SELENOT: variants seen among roughly 807,000 people sequenced by gnomAD.
SELENOT encodes the protein selenoprotein T, also known as thioredoxin reductase-like selenoprotein T.
In SELENOT, 9 loss-of-function variants were observed where a neutral mutation model predicts 24.3. That is an observed-to-expected ratio of 0.37 (90% CI 0.22 to 0.65). SELENOT has a LOEUF of 0.65. Among genes scored for constraint, SELENOT ranks in the 30% least tolerant of loss-of-function variants. SELENOT has a pLI of 0.60. For missense variants in SELENOT, 166 were observed against 247.6 expected (o/e 0.67, Z 2.21); for synonymous variants, 81 against 86.0 (o/e 0.94, Z 0.32).
At chr3:150,619,281 C>T (rs1294171686) in intron 1 of SELENOT, among the ~76,000 whole-genome samples, 1 of 151,374 alleles carries the variant, frequency 6.6e-6, no homozygotes, top group African/African-American at 2.4e-5. Flanking sequence ...CCTGTAATCC[C>T]AGCACTTTGG....
At chr3:150,618,290 C>T (rs906713050) in intron 1 of SELENOT, among the ~76,000 whole-genome samples, 6 of 152,148 alleles carry the variant, frequency 3.9e-5, no homozygotes, top group South Asian at 2.1e-4. Context: ...CAATGCTATG[C>T]GTGGATGGCT....
intron 5 of SELENOT, 80 bp downstream of exon 5, chr3:150,627,243 T>G: frequency 9.3e-7 from 1 of 1,079,382 alleles, no homozygotes; most frequent in Non-Finnish European, 1.3e-6. Flanking sequence ...ATTACATATA[T>G]TATCACTTGA....
chr3:150,611,149 GAAAAT>G (rs1726081114), intron 1 of SELENOT: 1 of 638,848 alleles, frequency 1.6e-6, no homozygotes, highest in Non-Finnish European at 2.7e-6. Context: ...CAGAAACAAA[GAAAAT>G]AAAATCAGAA....
intron 1 of SELENOT, among the ~76,000 whole-genome samples, chr3:150,605,060 CTGTACAATGTACTA>C (rs951672234): frequency 2.6e-5 from 4 of 151,384 alleles, no homozygotes; most frequent in African/African-American, 9.7e-5. Flanking sequence ...AAAAACCTCC[CTGTACAATGTACTA>C]TGTTTCTGGA....
At chr3:150,612,187 G>A (rs1726111704) in intron 1 of SELENOT, among the ~76,000 whole-genome samples, 1 of 151,844 alleles carries the variant, frequency 6.6e-6, no homozygotes, top group Non-Finnish European at 1.5e-5. Context: ...TCCGCCTCCC[G>A]GCTCAAGCTA....
chr3:150,617,605 C>A lies in SELENOT; in HGVS notation c.138-4780C>A, dbSNP rs139007711. On this transcript the variant is annotated intron_variant, in intron 1 of 5. Coordinates refer to ENST00000471696, the MANE Select transcript of SELENOT (RefSeq NM_016275.5). ...ATAAACCCAATAAAGAAGCCAGGAC[C>A]CTCCACGTCTTAGAAGCCACGTTAG... 1.8e-3 allele frequency among the ~76,000 whole-genome samples: 272 copies of A among 152,108 alleles called. 4 individuals carry two copies. Among genetic ancestry groups the A allele is most frequent in the African/African-American group, 6.3e-3 (262 of 41,494 alleles).
chr3:150,603,735 A>G, intron 1 of SELENOT: 1 of 387,020 alleles, frequency 2.6e-6, no homozygotes, highest in East Asian at 4.2e-5. Context: ...GGGAATGGGG[A>G]AGGAGGGCGC....
At chr3:150,612,559 A>C (rs987936065) in intron 1 of SELENOT, among the ~76,000 whole-genome samples, 1 of 152,218 alleles carries the variant, frequency 6.6e-6, no homozygotes, top group Non-Finnish European at 1.5e-5. Flanking sequence ...AACCTATCTG[A>C]GTCTATTTGC....
At chr3:150,611,782 C>A in intron 1 of SELENOT, 1 of 1,143,228 alleles carries the variant, frequency 8.7e-7, no homozygotes, top group South Asian at 1.3e-5. Context: ...CCCCTGCGCC[C>A]GGCCCCTCAG....
At chr3:150,611,761 C>T (rs943580454) in intron 1 of SELENOT, 6 of 1,300,278 alleles carry the variant, frequency 4.6e-6, no homozygotes, top group Non-Finnish European at 6.5e-6. Flanking sequence ...GGGGCCCAGC[C>T]GCTGAGACCG....
chr3:150,604,029 G>T (rs919176713), intron 1 of SELENOT, among the ~76,000 whole-genome samples: 7 of 152,368 alleles, frequency 4.6e-5, no homozygotes, highest in Middle Eastern at 3.4e-3. Context: ...TTGCTGGGGG[G>T]ACTGTTGAGT....
chr3:150,623,190 G>T, intron 3 of SELENOT, 21 bp downstream of exon 3: 2 of 1,560,094 alleles, frequency 1.3e-6, no homozygotes, highest in Admixed American at 2.0e-5. Context: ...TAATAGCTTT[G>T]GTAACTGTAG....
rs1241021023 is a variant in SELENOT, at chr3:150,627,946, A to C, written c.*317A>C. 1.3e-5 allele frequency: 2 copies of C among 151,874 alleles called. No individual in the cohort carries two copies. The highest frequency in any genetic ancestry group is 2.9e-5 in the Non-Finnish European group (2 of 67,962). 9.4% of individuals were successfully genotyped at this position (151,874 alleles called of 1,614,324 possible). On this transcript the variant is annotated 3_prime_UTR_variant, in exon 6 of 6. Transcript: ENST00000471696. ...ATTACTACTTGTAACTTTTTTTCTT[A>C]GTCATATTTGAAAAAGTAGAAAATT... is the stretch of plus-strand genomic sequence containing the variant.
At chr3:150,606,785 G>T (rs541823413) in intron 1 of SELENOT, among the ~76,000 whole-genome samples, 1 of 152,240 alleles carries the variant, frequency 6.6e-6, no homozygotes, top group South Asian at 2.1e-4. Context: ...TAGAGACGGG[G>T]TTTCACCATG....
chr3:150,606,937 T>A (rs1725978910), intron 1 of SELENOT, among the ~76,000 whole-genome samples: 1 of 152,180 alleles, frequency 6.6e-6, no homozygotes, highest in African/African-American at 2.4e-5. Flanking sequence ...TTTTATAAAT[T>A]TGTATTGATA....
At position 150,627,095 on chromosome 3, in the gene SELENOT, C is replaced by G. The variant is rs1321336828; in HGVS notation, c.549C>G (p.Leu183=). 1 of 1,613,800 alleles carries G rather than the reference C, an allele frequency of 6.2e-7. No individual in the cohort carries two copies. The highest frequency in any genetic ancestry group is 1.7e-5 in the Admixed American group (1 of 60,026). Residue 183 remains leucine, a synonymous_variant, in exon 5 of 6, where the codon CTC becomes CTG. Transcript: ENST00000471696. Reference sequence around the variant, plus strand: ...AAATTCTTGACAATGAAATGAAGCTCAATGTGCATATGGATTCAATCCCAC... The same window carrying G: ...AAATTCTTGACAATGAAATGAAGCTGAATGTGCATATGGATTCAATCCCAC... ...LVQILDNEMK[L]NVHMDSIPHH...
At chr3:150,614,743 T>C (rs1576531794) in intron 1 of SELENOT, among the ~76,000 whole-genome samples, 1 of 151,912 alleles carries the variant, frequency 6.6e-6, no homozygotes, top group Non-Finnish European at 1.5e-5. Context: ...TATGAGATGT[T>C]TCACAGAGGG....
chr3:150,615,056 C>A (rs1726181268), intron 1 of SELENOT, among the ~76,000 whole-genome samples: 1 of 137,724 alleles, frequency 7.3e-6, no homozygotes, highest in Non-Finnish European at 1.5e-5. Context: ...TGATGTTCCC[C>A]TTCCTGTGTC....
chr3:150,610,410 CTT>C (rs1275866594), intron 1 of SELENOT, among the ~76,000 whole-genome samples: 3 of 152,232 alleles, frequency 2.0e-5, no homozygotes, highest in African/African-American at 7.2e-5. Flanking sequence ...AAGTTTGCAT[CTT>C]AGTAACCAAA....
Sources: allele counts gnomAD v4.1 joint callset (sites outside exome capture counted in the v4.1 genomes callset), GRCh38; gene constraint gnomAD v4.1.1; transcripts MANE v1.5; gene names NCBI Gene and HGNC (gene_info 2026-07-23, HGNC 2026-07-21).